Variants in ZNF827 observed in about 807,000 individuals in gnomAD.
ZNF827 encodes the protein zinc finger protein 827.
A neutral mutation model predicts 102.4 loss-of-function variants in ZNF827; 13 were observed. The ratio of observed to expected loss-of-function variants is 0.13; its 90% CI spans 0.08 to 0.20. The LOEUF is 0.20. Ranked by LOEUF, ZNF827 falls within the 10% of genes least tolerant of loss-of-function variation. The probability of loss-of-function intolerance (pLI) is 1.00; values close to 1 mark genes in which losing one functional copy is unlikely to be tolerated. For synonymous variants in ZNF827, 523 were observed against 536.2 expected, an observed-to-expected ratio of 0.98 and a Z score of 0.34; for missense variants, 1,103 against 1,344.4, an observed-to-expected ratio of 0.82 and a Z score of 2.81.
Position 145,760,861 on chromosome 4 carries a change from T to G in ZNF827, c.*755A>C. The G allele has an allele frequency of 8.2e-7, 1 of 1,216,772 alleles. No homozygotes were observed. Among genetic ancestry groups the G allele is most frequent in the Non-Finnish European group, 1.0e-6 (1 of 954,366 alleles). 75.4% of individuals were successfully genotyped at this position (1,216,772 alleles called of 1,614,324 possible). A position where few individuals can be genotyped will look rare whatever the true frequency, so the allele number is the denominator to read the frequency against. ...TGAGGGGATGCTGGGAGGCGCAGTC[T>G]GAGGTCGGGGAGGGTGGAATGTGAG... is the stretch of plus-strand genomic sequence containing the variant. On this transcript the variant is annotated 3_prime_UTR_variant, in exon 15 of 15. Coordinates refer to ENST00000508784, the MANE Select transcript of ZNF827 (RefSeq NM_001306215.2).
intron 1 of ZNF827, among the ~76,000 whole-genome samples, chr4:145,907,543 C>G (rs951586677): frequency 6.6e-6 from 1 of 152,162 alleles, no homozygotes; most frequent in African/African-American, 2.4e-5. Context: ...GTCTGCCAAC[C>G]AGCGCAGACT....
chr4:145,813,896 G>T (rs1432247353), intron 8 of ZNF827, among the ~76,000 whole-genome samples: 1 of 152,194 alleles, frequency 6.6e-6, no homozygotes, highest in Non-Finnish European at 1.5e-5. Flanking sequence ...TGCAGTTAGG[G>T]TTAGGAGAGA....
intron 1 of ZNF827, among the ~76,000 whole-genome samples, chr4:145,930,002 G>A (rs917428255): frequency 5.3e-5 from 8 of 152,322 alleles, no homozygotes; most frequent in South Asian, 4.1e-4. Flanking sequence ...GAGTTTGTAC[G>A]TTTGACTGCT....
At chr4:145,769,723 T>C (rs1471183138) in intron 11 of ZNF827, among the ~76,000 whole-genome samples, 2 of 152,158 alleles carry the variant, frequency 1.3e-5, no homozygotes, top group African/African-American at 4.8e-5. Context: ...GTCATTTACC[T>C]TCTTCAGCAT....
intron 1 of ZNF827, among the ~76,000 whole-genome samples, chr4:145,918,347 A>C (rs1465470255): frequency 6.7e-6 from 1 of 149,450 alleles, no homozygotes; most frequent in African/African-American, 2.4e-5. Flanking sequence ...AAAAAAAAAA[A>C]AAAAAAAAAA....
chr4:145,760,716 T>C lies in ZNF827; in HGVS notation c.*900A>G, dbSNP rs570647127. On this transcript the variant is annotated 3_prime_UTR_variant, in exon 15 of 15. Transcript: ENST00000508784. ...ACCTGCTGGGGTTGTGTTTAAGTTT[T>C]GTGGTTTTTTTTTTTTTTTTTGTCT... 5.3e-4 allele frequency: 529 copies of C among 1,006,906 alleles called. 8 individuals are homozygous for C. In the Admixed American group the frequency reaches 0.025, roughly 48 times the overall value. The allele number at this position is 1,006,906 out of a possible 1,614,324, so 62.4% of individuals were successfully genotyped here.
intron 4 of ZNF827, 80 bp downstream of exon 4, chr4:145,885,598 G>T: frequency 6.8e-7 from 1 of 1,471,058 alleles, no homozygotes; most frequent in Non-Finnish European, 9.0e-7. Flanking sequence ...TAAGAATACT[G>T]GTAGACAGAG....
At chr4:145,918,098 T>G (rs1483242834) in intron 1 of ZNF827, among the ~76,000 whole-genome samples, 1 of 152,122 alleles carries the variant, frequency 6.6e-6, no homozygotes, top group Non-Finnish European at 1.5e-5. Flanking sequence ...AGTAAAAACA[T>G]CAATTGCTTT....
chr4:145,826,033 CAG>C (rs1361996296), intron 7 of ZNF827, among the ~76,000 whole-genome samples: 1 of 152,174 alleles, frequency 6.6e-6, no homozygotes, highest in Non-Finnish European at 1.5e-5. Context: ...GTCTTAGCTA[CAG>C]AGAGAAGATA....
intron 8 of ZNF827, among the ~76,000 whole-genome samples, chr4:145,788,024 C>G (rs558792444): frequency 1.8e-4 from 28 of 152,270 alleles, no homozygotes; most frequent in Admixed American, 1.4e-3. Context: ...GTAATGACCC[C>G]AGGTAACCTG....
At chr4:145,895,382 A>C (rs1388642851) in intron 2 of ZNF827, among the ~76,000 whole-genome samples, 1 of 152,214 alleles carries the variant, frequency 6.6e-6, no homozygotes, top group Admixed American at 6.5e-5. Context: ...TTATTATTTC[A>C]TATAAATCCA....
intron 1 of ZNF827, among the ~76,000 whole-genome samples, chr4:145,921,740 C>G (rs1321796430): frequency 1.3e-5 from 2 of 152,058 alleles, no homozygotes; most frequent in Admixed American, 1.3e-4. Context: ...AAAGAAGACA[C>G]GAAGACCAGA....
chr4:145,870,898 C>G (rs1748626061), intron 4 of ZNF827: 2 of 164,328 alleles, frequency 1.2e-5, no homozygotes, highest in African/African-American at 4.8e-5. Flanking sequence ...AGGCAGTACC[C>G]AAAGCAAAAA....
chr4:145,893,589 A>C (rs1750768037), intron 2 of ZNF827, among the ~76,000 whole-genome samples: 1 of 152,222 alleles, frequency 6.6e-6, no homozygotes, highest in Non-Finnish European at 1.5e-5. Context: ...AGTCACAGCT[A>C]AAACCATTAG....
intron 4 of ZNF827, among the ~76,000 whole-genome samples, chr4:145,883,874 A>G (rs1749887102): frequency 6.6e-6 from 1 of 152,186 alleles, no homozygotes; most frequent in Non-Finnish European, 1.5e-5. Flanking sequence ...GTGGCAGGGA[A>G]GACAATCAAG....
At chr4:145,893,143 A>T (rs1301664545) in intron 2 of ZNF827, among the ~76,000 whole-genome samples, 1 of 152,208 alleles carries the variant, frequency 6.6e-6, no homozygotes, top group African/African-American at 2.4e-5. Context: ...GAAGAGCTGC[A>T]ATGAGGCCAC....
chr4:145,847,191 A>T (rs1746076448), intron 6 of ZNF827, among the ~76,000 whole-genome samples: 1 of 152,130 alleles, frequency 6.6e-6, no homozygotes, highest in South Asian at 2.1e-4. Flanking sequence ...AAAACCAATC[A>T]AAGGGAAACA....
intron 7 of ZNF827, among the ~76,000 whole-genome samples, chr4:145,841,998 C>G (rs1745466338): frequency 6.6e-6 from 1 of 151,872 alleles, no homozygotes; most frequent in Non-Finnish European, 1.5e-5. Flanking sequence ...TCAAAATAAT[C>G]TACAGGGAGG....
chr4:145,886,224 C>T, intron 3 of ZNF827, 66 bp from the exon 4 acceptor site: 1 of 1,511,364 alleles, frequency 6.6e-7, no homozygotes, highest in South Asian at 1.4e-5. Context: ...TGCTGTAGAT[C>T]CAGACTATTC....
Sources: allele counts gnomAD v4.1 joint callset (sites outside exome capture counted in the v4.1 genomes callset), GRCh38; gene constraint gnomAD v4.1.1; transcripts MANE v1.5; gene names NCBI Gene and HGNC (gene_info 2026-07-23, HGNC 2026-07-21).